Variants in ZFPM1 observed in about 807,000 individuals in gnomAD.
ZFPM1 encodes the protein zinc finger protein ZFPM1.
ZFPM1 carries 28 observed loss-of-function variants against 46.3 expected under a neutral mutation model. The observed-to-expected ratio is 0.60, with a 90% CI of 0.45 to 0.83. The LOEUF is 0.83. Among genes scored for constraint, ZFPM1 ranks in the 40% least tolerant of loss-of-function variants. The pLI is 0.00. For missense variants in ZFPM1, 1,878 were observed against 1,432.4 expected (o/e 1.31, Z -5.02); for synonymous variants, 957 against 675.9 (o/e 1.42, Z -6.45).
chr16:88,535,156 T>A lies in ZFPM1; in HGVS notation c.*177T>A. ...CTTGGCACTTAATAAAGAAGTTCAG[T>A]TTGATGAGCATGGTGGTGGGCCAGC... On this transcript the variant is annotated 3_prime_UTR_variant, in exon 10 of 10. Transcript: ENST00000319555. The A allele has an allele frequency of 2.7e-6, 2 of 728,438 alleles. No homozygotes were observed. The highest frequency in any genetic ancestry group is 8.9e-5 in the South Asian group (2 of 22,570). The allele number at this position is 728,438 out of a possible 1,614,324, so 45.1% of individuals were successfully genotyped here. A position where few individuals can be genotyped will look rare whatever the true frequency, so the allele number is the denominator to read the frequency against.
intron 6 of ZFPM1, chr16:88,531,173 A>C (rs1022425639): frequency 2.0e-5 from 3 of 152,234 alleles, no homozygotes; most frequent in Non-Finnish European, 4.4e-5. Context: ...CACGGAGGCC[A>C]AGGCCAAGCT....
intron 1 of ZFPM1, among the ~76,000 whole-genome samples, chr16:88,468,094 G>A (rs1474758818): frequency 5.0e-5 from 3 of 60,388 alleles, no homozygotes; most frequent in Admixed American, 2.6e-4. Context: ...CCCACCGGCC[G>A]CTGACGCACC....
chr16:88,460,147 C>G (rs940900096), intron 1 of ZFPM1, among the ~76,000 whole-genome samples: 7 of 152,104 alleles, frequency 4.6e-5, no homozygotes, highest in African/African-American at 1.4e-4. Context: ...AGATGATGCT[C>G]CTGCCTGTGC....
intron 4 of ZFPM1, among the ~76,000 whole-genome samples, chr16:88,515,232 G>C (rs1369643694): frequency 1.3e-5 from 2 of 152,232 alleles, no homozygotes; most frequent in African/African-American, 4.8e-5. Flanking sequence ...ATAGGGTCTG[G>C]GGCCTCCTGG....
At chr16:88,492,719 C>T (rs1467334997) in intron 3 of ZFPM1, among the ~76,000 whole-genome samples, 1 of 152,196 alleles carries the variant, frequency 6.6e-6, no homozygotes, top group Non-Finnish European at 1.5e-5. Flanking sequence ...GGCCTTGGTG[C>T]CTCTCCCAAC....
At chr16:88,481,783 G>C (rs1477106063) in intron 1 of ZFPM1, among the ~76,000 whole-genome samples, 1 of 152,138 alleles carries the variant, frequency 6.6e-6, no homozygotes. Context: ...CCATCTCGCT[G>C]GACTACGTGG....
chr16:88,495,605 G>A (rs1394594936), intron 3 of ZFPM1, among the ~76,000 whole-genome samples: 4 of 151,046 alleles, frequency 2.6e-5, no homozygotes, highest in African/African-American at 9.7e-5. Context: ...AGGATGGCCT[G>A]AGACCTGACG....
chr16:88,502,640 C>G (rs1910432252), intron 3 of ZFPM1, among the ~76,000 whole-genome samples: 1 of 152,236 alleles, frequency 6.6e-6, no homozygotes, highest in African/African-American at 2.4e-5. Flanking sequence ...GTCCCCACCT[C>G]GCAGGTCGGA....
chr16:88,533,508 A>G lies in ZFPM1; in HGVS notation c.1550A>G (p.Glu517Gly). The change falls in exon 10 of 10, where the codon GAG becomes GGG. Residue 517 changes from glutamate (E) to glycine (G), a missense_variant. Physicochemically the swap from Glu to Gly is moderately conservative, Grantham distance 98. Coordinates refer to ENST00000319555, the MANE Select transcript of ZFPM1 (RefSeq NM_153813.3). The stretch of plus-strand genomic sequence containing the variant: ...CCGGGCTCCAGCCCGGTGCCCGGCG[A>G]GCTGGGCCTGGCCGGGGCCCTGTTC... ...PTPGSSPVPGELGLAGALFLP... is the reference protein window; with the variant it reads ...PTPGSSPVPGGLGLAGALFLP... 1 of 1,411,836 alleles carries G rather than the reference A, an allele frequency of 7.1e-7. No homozygotes were observed. The highest frequency in any genetic ancestry group is 3.4e-5 in the East Asian group (1 of 29,806). 87.5% of individuals were successfully genotyped at this position (1,411,836 alleles called of 1,614,324 possible). A position where few individuals can be genotyped will look rare whatever the true frequency, so the allele number is the denominator to read the frequency against.
chr16:88,503,885 G>A (rs560382998), intron 3 of ZFPM1, among the ~76,000 whole-genome samples: 10 of 152,110 alleles, frequency 6.6e-5, no homozygotes, highest in African/African-American at 2.2e-4. Flanking sequence ...TGACGAGCCT[G>A]AAGGGTCAGT....
chr16:88,487,538 G>T (rs866784164), intron 2 of ZFPM1, among the ~76,000 whole-genome samples: 6 of 152,172 alleles, frequency 3.9e-5, no homozygotes, highest in East Asian at 1.9e-4. Context: ...CAACGGGGGT[G>T]GGGGAGAGGT....
Position 88,526,914 on chromosome 16 carries a change from A to G in ZFPM1, c.503A>G (p.Lys168Arg). The G allele has an allele frequency of 1.9e-6, 3 of 1,571,720 alleles. No individual in the cohort carries two copies. Among genetic ancestry groups the G allele is most frequent in the Non-Finnish European group, 2.6e-6 (3 of 1,158,386 alleles). ...GAGGCCAACACAGAGATCCACAGGAAGGGTCAGTATGACGCGGCACCTCCG... is the reference window on the plus strand; with the variant it reads ...GAGGCCAACACAGAGATCCACAGGAGGGGTCAGTATGACGCGGCACCTCCG... ...EAEANTEIHRKDDALWCRVTK... is the reference protein window; with the variant it reads ...EAEANTEIHRRDDALWCRVTK... Residue 168 changes from lysine to arginine, a missense_variant and splice_region_variant, in exon 5 of 10, where the codon AAG becomes AGG. Coordinates refer to ENST00000319555, the MANE Select transcript of ZFPM1 (RefSeq NM_153813.3).
intron 4 of ZFPM1, among the ~76,000 whole-genome samples, chr16:88,526,126 C>T (rs974601747): frequency 2.0e-5 from 3 of 152,234 alleles, no homozygotes; most frequent in Non-Finnish European, 4.4e-5. Context: ...CCTGACCAGC[C>T]TCAGGGTGGG....
At position 88,480,293 on chromosome 16, in the gene ZFPM1, G is replaced by A. The variant is rs1340838076; in HGVS notation, c.41-5646G>A. 3.3e-5 allele frequency among the ~76,000 whole-genome samples: 5 copies of A among 152,144 alleles called. No homozygotes were observed. The highest frequency in any genetic ancestry group is 2.6e-4 in the Admixed American group (4 of 15,278). On this transcript the variant is annotated intron_variant, in intron 1 of 9. Transcript: ENST00000319555. The surrounding 1 kb of genome is among the most constrained non-coding windows in gnomAD (Gnocchi z 4.9). Reference sequence around the variant, plus strand: ...CTTCCACTTTTTGGGGGATGGGGCTGGTCACTGCAGGATCTCTGGCACCTC... The same window carrying A: ...CTTCCACTTTTTGGGGGATGGGGCTAGTCACTGCAGGATCTCTGGCACCTC...
At chr16:88,453,781 G>A in intron 1 of ZFPM1, 103 bp downstream of exon 1, 1 of 700,038 alleles carries the variant, frequency 1.4e-6, no homozygotes, top group Non-Finnish European at 1.8e-6. Flanking sequence ...CTGGGCGCCG[G>A]CGACCTTCAC....
chr16:88,481,641 G>A (rs1004614487), intron 1 of ZFPM1, among the ~76,000 whole-genome samples: 7 of 151,876 alleles, frequency 4.6e-5, no homozygotes, highest in Non-Finnish European at 7.4e-5. Context: ...CCGAGTCCCC[G>A]TACTGTCCTC....
rs974060265 is a variant in ZFPM1, at chr16:88,501,082, G to T, written c.268+11929G>T. Among the ~76,000 whole-genome samples, 35 of 150,804 alleles carry T rather than the reference G, an allele frequency of 2.3e-4. 1 individual carries two copies. Among genetic ancestry groups the T allele is most frequent in the African/African-American group, 8.1e-4 (33 of 40,710 alleles). ...ATGGAGGTAGCGGTCATGGATGCGG[G>T]GGCCCTCCCGCAGGTGCTGGTGATG... is the stretch of plus-strand genomic sequence containing the variant. On this transcript the variant is annotated intron_variant, in intron 3 of 9. Coordinates refer to ENST00000319555, the MANE Select transcript of ZFPM1 (RefSeq NM_153813.3).
chr16:88,518,061 C>T (rs1038387527), intron 4 of ZFPM1, among the ~76,000 whole-genome samples: 10 of 152,070 alleles, frequency 6.6e-5, no homozygotes, highest in Non-Finnish European at 8.8e-5. Flanking sequence ...AAAAATTAGC[C>T]GGGCATGGTG....
chr16:88,496,420 G>T (rs1430118787), intron 3 of ZFPM1, among the ~76,000 whole-genome samples: 3 of 152,076 alleles, frequency 2.0e-5, no homozygotes, highest in Non-Finnish European at 4.4e-5. Context: ...GCCCTGGCCT[G>T]TGCAGTTCCC....
Sources: allele counts gnomAD v4.1 joint callset (sites outside exome capture counted in the v4.1 genomes callset), GRCh38; gene constraint gnomAD v4.1.1; non-coding constraint Gnocchi (gnomAD v3.1); transcripts MANE v1.5; gene names NCBI Gene and HGNC (gene_info 2026-07-23, HGNC 2026-07-21).